VAV1: variants seen among roughly 807,000 people sequenced by gnomAD.
The protein encoded by VAV1 is vav guanine nucleotide exchange factor 1, also known as proto-oncogene vav.
VAV1 carries 33 observed loss-of-function variants against 128.1 expected under a neutral mutation model. The ratio of observed to expected loss-of-function variants is 0.26; its 90% confidence interval spans 0.20 to 0.34. The LOEUF (loss-of-function observed/expected upper bound fraction) is 0.34, where lower values mean the gene tolerates loss of function less well. Among genes scored for constraint, VAV1 ranks in the 10% least tolerant of loss-of-function variants. The pLI is 1.00. For missense variants in VAV1, 715 were observed against 1,093.7 expected, an observed-to-expected ratio of 0.65 and a Z score of 4.88; for synonymous variants, 394 against 409.8, an observed-to-expected ratio of 0.96 and a Z score of 0.47.
intron 1 of VAV1, among the ~76,000 whole-genome samples, chr19:6,779,105 A>G (rs1172598150): frequency 7.8e-6 from 1 of 128,160 alleles, no homozygotes; most frequent in Non-Finnish European, 1.6e-5. Context: ...AAGCTGGAGT[A>G]TAGTGGTATG....
intron 6 of VAV1, among the ~76,000 whole-genome samples, chr19:6,823,290 T>C (rs1971842194): frequency 6.6e-6 from 1 of 150,902 alleles, no homozygotes; most frequent in Non-Finnish European, 1.5e-5. Flanking sequence ...CATGCTCGAC[T>C]AATTTTTGTA....
intron 1 of VAV1, among the ~76,000 whole-genome samples, chr19:6,814,232 A>G (rs1219725105): frequency 6.6e-6 from 1 of 152,144 alleles, no homozygotes; most frequent in Non-Finnish European, 1.5e-5. Flanking sequence ...TGATTTCCCT[A>G]TGTGAAAAGC....
At position 6,777,004 on chromosome 19, in the gene VAV1, C is replaced by T. The variant is rs1970657114; in HGVS notation, c.204+3993C>T. 6.6e-6 allele frequency among the ~76,000 whole-genome samples: 1 copy of T among 152,024 alleles called. No homozygotes were observed. Among genetic ancestry groups the T allele is most frequent in the Non-Finnish European group, 1.5e-5 (1 of 68,020 alleles). The stretch of plus-strand genomic sequence containing the variant: ...ACTCCTGACCTTGTGATCCACTCGC[C>T]TCAGCCTTCCAAAGTGCTGGGATTA... On this transcript the variant is annotated intron_variant, in intron 1 of 26. Coordinates refer to ENST00000602142, the MANE Select transcript of VAV1 (RefSeq NM_005428.4). This position sits in a 1 kb window ranked among gnomAD's most constrained non-coding sequence, Gnocchi z 4.4.
At chr19:6,805,289 G>C (rs545502808) in intron 1 of VAV1, among the ~76,000 whole-genome samples, 348 of 151,608 alleles carry the variant, frequency 2.3e-3, no homozygotes, top group African/African-American at 8.2e-3. Context: ...GCTGGGTATG[G>C]TGGCACACAC....
chr19:6,786,582 A>G (rs1252935693), intron 1 of VAV1, among the ~76,000 whole-genome samples: 1 of 152,162 alleles, frequency 6.6e-6, no homozygotes, highest in East Asian at 1.9e-4. Flanking sequence ...CAAAAGTTTG[A>G]GATCAGCCTG....
At chr19:6,848,559 T>A (rs576597018) in intron 23 of VAV1, among the ~76,000 whole-genome samples, 1 of 151,010 alleles carries the variant, frequency 6.6e-6, no homozygotes, top group Non-Finnish European at 1.5e-5. Context: ...CCTGTGACCA[T>A]GCCCAGCTAA....
At chr19:6,814,705 T>TC (rs1971600807) in intron 1 of VAV1, among the ~76,000 whole-genome samples, 1 of 134,270 alleles carries the variant, frequency 7.4e-6, no homozygotes, top group African/African-American at 3.3e-5. Context: ...TCTTTCTTTC[T>TC]TTCTTTCTTT....
At chr19:6,799,322 C>T (rs1486268515) in intron 1 of VAV1, among the ~76,000 whole-genome samples, 5 of 152,094 alleles carry the variant, frequency 3.3e-5, no homozygotes, top group African/African-American at 9.7e-5. Flanking sequence ...TGTGCGCCAC[C>T]ACGCCTGGCT....
In VAV1 at chr19:6,821,837, A is replaced by C; in HGVS notation, c.427A>C (p.Ser143Arg). 8 of 1,614,160 alleles carry C rather than the reference A, an allele frequency of 5.0e-6. No homozygotes were observed. In the South Asian group the frequency reaches 8.8e-5, roughly 18 times the overall value. Residue 143 changes from serine (S) to arginine (R), a missense_variant, in exon 4 of 27, where the codon AGT (serine) becomes CGT (arginine). Physicochemically the swap from Ser to Arg is moderately radical, Grantham distance 110. Around this residue, in one of 3 missense-constraint regions of VAV1, gnomAD observed 302 missense variants for 477.8 expected, o/e 0.63. Transcript: ENST00000602142. Reference protein sequence around the residue: ...EESVGDEDIYSGLSDQIDDTV... With the variant: ...EESVGDEDIYRGLSDQIDDTV... Reference sequence around the variant, plus strand: ...GAGTGTAGGTGATGAAGACATCTACAGTGGCCTGTCCGACCAGATCGAGTG... The same window carrying C: ...GAGTGTAGGTGATGAAGACATCTACCGTGGCCTGTCCGACCAGATCGAGTG...
In VAV1 at chr19:6,822,170, C is replaced by G. The variant is rs1971806817; in HGVS notation, c.450-51C>G. 6.5e-7 allele frequency: 1 copy of G among 1,526,830 alleles called. No individual in the cohort carries two copies. The highest frequency in any genetic ancestry group is 2.3e-4 in the Middle Eastern group (1 of 4,400). 94.6% of individuals were successfully genotyped at this position (1,526,830 alleles called of 1,614,324 possible). On this transcript the variant is annotated intron_variant, in intron 4 of 26. Coordinates refer to ENST00000602142, the MANE Select transcript of VAV1 (RefSeq NM_005428.4). This position sits in a 1 kb window ranked among gnomAD's most constrained non-coding sequence, Gnocchi z 5.9. ...CCCTGCGCTGGGGTCTGCGGGGACC[C>G]TGCTGTGATCTGGGAGAGGTCCAAG...
In VAV1 at chr19:6,828,040, C is replaced by G. The variant is rs541114512; in HGVS notation, c.928-36C>G. ...CCCTGCAACTGGCTGTTTCTGGGACCTGCCTCAGTTTCCCCATTGTTCTCT... is the reference window on the plus strand; with the variant it reads ...CCCTGCAACTGGCTGTTTCTGGGACGTGCCTCAGTTTCCCCATTGTTCTCT... On this transcript the variant is annotated intron_variant, in intron 9 of 26. Coordinates refer to ENST00000602142, the MANE Select transcript of VAV1 (RefSeq NM_005428.4). This position sits in a 1 kb window ranked among gnomAD's most constrained non-coding sequence, Gnocchi z 4.5. The G allele has an allele frequency of 3.8e-6, 6 of 1,596,858 alleles. No homozygotes were observed. Among genetic ancestry groups the G allele is most frequent in the South Asian group, 1.1e-5 (1 of 90,704 alleles).
At chr19:6,836,328 T>C (rs1055899797) in intron 19 of VAV1, 104 bp from the exon 20 acceptor site, 1 of 1,405,688 alleles carries the variant, frequency 7.1e-7, no homozygotes, top group African/African-American at 1.4e-5. Flanking sequence ...ACACTTAGTA[T>C]TGCCAGTCTA....
At chr19:6,798,288 T>C (rs865958751) in intron 1 of VAV1, among the ~76,000 whole-genome samples, 1 of 151,704 alleles carries the variant, frequency 6.6e-6, no homozygotes, top group Non-Finnish European at 1.5e-5. Context: ...AAAAAAAATA[T>C]ATGATTTGGT....
intron 1 of VAV1, among the ~76,000 whole-genome samples, chr19:6,819,429 A>G (rs1326062440): frequency 6.6e-6 from 1 of 152,236 alleles, no homozygotes; most frequent in Non-Finnish European, 1.5e-5. Flanking sequence ...TCTCAGAACT[A>G]TCTTGGACAT....
chr19:6,782,346 A>C (rs1970784519), intron 1 of VAV1, among the ~76,000 whole-genome samples: 1 of 151,820 alleles, frequency 6.6e-6, no homozygotes, highest in Admixed American at 6.6e-5. Context: ...ATAAATAAAT[A>C]AATAAATAAA....
intron 1 of VAV1, among the ~76,000 whole-genome samples, chr19:6,810,126 C>T (rs1226783951): frequency 3.3e-5 from 5 of 152,076 alleles, no homozygotes; most frequent in African/African-American, 1.2e-4. Flanking sequence ...CTGCAGTGAG[C>T]TATGATTGTG....
intron 1 of VAV1, among the ~76,000 whole-genome samples, chr19:6,798,142 T>A (rs1014029677): frequency 1.3e-5 from 2 of 151,836 alleles, no homozygotes; most frequent in African/African-American, 4.8e-5. Flanking sequence ...CCAGGCATGG[T>A]GGCACGCACC....
At chr19:6,795,311 G>C (rs1243528544) in intron 1 of VAV1, among the ~76,000 whole-genome samples, 1 of 151,878 alleles carries the variant, frequency 6.6e-6, no homozygotes, top group East Asian at 1.9e-4. Context: ...TAACCAATCA[G>C]GTTAATGACC....
At chr19:6,784,445 C>A (rs1417299367) in intron 1 of VAV1, among the ~76,000 whole-genome samples, 1 of 151,072 alleles carries the variant, frequency 6.6e-6, no homozygotes, top group Non-Finnish European at 1.5e-5. Flanking sequence ...GGAGGGGCAT[C>A]TAGGAGGGTC....
Sources: allele counts gnomAD v4.1 joint callset (sites outside exome capture counted in the v4.1 genomes callset), GRCh38; gene constraint gnomAD v4.1.1; regional missense constraint gnomAD v4.1.1; non-coding constraint Gnocchi (gnomAD v3.1); transcripts MANE v1.5; gene names NCBI Gene and HGNC (gene_info 2026-07-23, HGNC 2026-07-21).